PTPRJ: variants seen among roughly 807,000 people sequenced by gnomAD.
PTPRJ encodes protein tyrosine phosphatase receptor type J.
Under a neutral mutation model 141.3 loss-of-function variants are expected in PTPRJ, and 129 were observed. That is an observed-to-expected ratio of 0.91 (90% confidence interval 0.79 to 1.06). The LOEUF is 1.06. Ranked by LOEUF, PTPRJ falls within the 50% of genes least tolerant of loss-of-function variation. The pLI is 0.00. For synonymous variants in PTPRJ, 610 were observed against 640.5 expected (o/e 0.95, Z 0.72); for missense variants, 1,601 against 1,679.7 (o/e 0.95, Z 0.82).
chr11:48,124,990 C>T lies in PTPRJ; in HGVS notation c.897C>T (p.Ser299=). ...GGLDASNTER[S]RAGSPTAPVH... is the part of the protein sequence containing the mutation. ...CAGATGCCAGCAATACAGAGAGAAG[C>T]CGGGCAGGGAGCCCCACCGCCCCTG... The change falls in exon 6 of 25, where the codon AGC becomes AGT. Residue 299 remains serine (S), a synonymous_variant. Coordinates refer to ENST00000418331, the MANE Select transcript of PTPRJ (RefSeq NM_002843.4). 1 of 1,613,960 alleles carries T rather than the reference C, an allele frequency of 6.2e-7. No individual in the cohort carries two copies. Among genetic ancestry groups the T allele is most frequent in the South Asian group, 1.1e-5 (1 of 91,066 alleles).
chr11:48,115,484 G>T (rs1037563543), intron 3 of PTPRJ, among the ~76,000 whole-genome samples: 2 of 151,460 alleles, frequency 1.3e-5, no homozygotes, highest in Non-Finnish European at 3.0e-5. Flanking sequence ...CAAGATAAAA[G>T]ACTTTACCAG....
rs539550596 is a variant in PTPRJ, at chr11:48,146,319, A to G, written c.2912-557A>G. Among the ~76,000 whole-genome samples, 8 of 152,306 alleles carry G rather than the reference A, an allele frequency of 5.3e-5. No individual in the cohort carries two copies. In the South Asian group the frequency reaches 1.7e-3, roughly 32 times the overall value. Reference sequence around the variant, plus strand: ...GGGATCCAAGAGGGGTGCATCCCCTACCTTCAAGCCAGAGGCTAATGGACT... The same window carrying G: ...GGGATCCAAGAGGGGTGCATCCCCTGCCTTCAAGCCAGAGGCTAATGGACT... On this transcript the variant is annotated intron_variant, in intron 14 of 24. Transcript: ENST00000418331.
At chr11:48,076,834 T>A (rs1015762035) in intron 1 of PTPRJ, among the ~76,000 whole-genome samples, 2 of 151,958 alleles carry the variant, frequency 1.3e-5, no homozygotes, top group Non-Finnish European at 2.9e-5. Context: ...ATTTTACAAT[T>A]GGTAGAAAAG....
intron 1 of PTPRJ, among the ~76,000 whole-genome samples, chr11:47,994,827 T>C (rs1181363932): frequency 6.6e-6 from 1 of 152,180 alleles, no homozygotes; most frequent in Non-Finnish European, 1.5e-5. Context: ...ACCACAAACA[T>C]GGACATATTA....
Position 48,094,779 on chromosome 11 carries a change from C to T in PTPRJ, c.97-15279C>T, listed in dbSNP as rs1396667406. ...TCTGGGTAACAGAGAGGCTCTCAAA[C>T]GTTAGATTTTGGATTAGACTTTGGG... On this transcript the variant is annotated intron_variant, in intron 1 of 24. Transcript: ENST00000418331. 2.6e-5 allele frequency among the ~76,000 whole-genome samples: 4 copies of T among 152,076 alleles called. No homozygotes were observed. The East Asian group carries it at 5.8e-4, about 22-fold the overall frequency.
intron 24 of PTPRJ, among the ~76,000 whole-genome samples, chr11:48,165,720 A>G (rs961404347): frequency 6.6e-6 from 1 of 152,216 alleles, no homozygotes; most frequent in Non-Finnish European, 1.5e-5. Context: ...TGCTATAATT[A>G]TATAAAGTAG....
At chr11:48,047,845 G>A (rs554341540) in intron 1 of PTPRJ, among the ~76,000 whole-genome samples, 67 of 152,284 alleles carry the variant, frequency 4.4e-4, no homozygotes, top group African/African-American at 1.5e-3. Context: ...TGGGGCTGAC[G>A]TGGCCTGGGG....
Position 48,066,623 on chromosome 11 carries a change from TC to T in PTPRJ, c.97-43434del, listed in dbSNP as rs762062119. Among the ~76,000 whole-genome samples the T allele has an allele frequency of 1.1e-4, 16 of 151,390 alleles. No individual in the cohort carries two copies. In the East Asian group the frequency reaches 1.2e-3, roughly 11 times the overall value. Reference sequence around the variant, plus strand: ...ATTATTGAGACTGAGTCTCGCTGTGTCGCCCAGGCTGGAGTGCGGTGGTGCC... The same window carrying T: ...ATTATTGAGACTGAGTCTCGCTGTGTGCCCAGGCTGGAGTGCGGTGGTGCC... On this transcript the variant is annotated intron_variant, in intron 1 of 24. Transcript: ENST00000418331.
At chr11:47,993,151 T>G (rs1187463070) in intron 1 of PTPRJ, among the ~76,000 whole-genome samples, 1 of 152,144 alleles carries the variant, frequency 6.6e-6, no homozygotes, top group African/African-American at 2.4e-5. Flanking sequence ...ACTGAAAGCT[T>G]TGGAGGCCTG....
chr11:48,121,763 A>G (rs1422427859), intron 4 of PTPRJ, among the ~76,000 whole-genome samples: 1 of 152,260 alleles, frequency 6.6e-6, no homozygotes, highest in Non-Finnish European at 1.5e-5. Context: ...CTTAGATGTC[A>G]ATACCGAAGC....
chr11:48,142,782 A>G (rs747113187), intron 11 of PTPRJ, 137 bp from the exon 12 acceptor site: 100 of 1,086,700 alleles, frequency 9.2e-5, no homozygotes, highest in Non-Finnish European at 1.2e-4. Flanking sequence ...TTGCTTCTGG[A>G]TTTGCTGTTT....
intron 1 of PTPRJ, among the ~76,000 whole-genome samples, chr11:48,054,972 T>C (rs933930559): frequency 2.6e-5 from 4 of 151,684 alleles, no homozygotes; most frequent in African/African-American, 9.7e-5. Flanking sequence ...ATTGCTTGAG[T>C]CTAGGAGTTC....
chr11:47,994,242 A>T (rs1248849455), intron 1 of PTPRJ, among the ~76,000 whole-genome samples: 2 of 151,950 alleles, frequency 1.3e-5, no homozygotes, highest in African/African-American at 4.8e-5. Context: ...CATCCAGGTT[A>T]ACTCCTGGTA....
chr11:48,137,256 A>G lies in PTPRJ; in HGVS notation c.2127A>G (p.Glu709=). 1 of 1,614,086 alleles carries G rather than the reference A, an allele frequency of 6.2e-7. No homozygotes were observed. The highest frequency in any genetic ancestry group is 8.5e-7 in the Non-Finnish European group (1 of 1,179,990). ...TAGGGGATGGGATCAAGTCACTGGA[A>G]CCTGGCCGGAAGTCATTCTGTACAG... is the stretch of plus-strand genomic sequence containing the variant. ...AQVGDGIKSL[E]PGRKSFCTDP... Residue 709 remains glutamate (E), a synonymous_variant, in exon 10 of 25, where the codon GAA becomes GAG. Transcript: ENST00000418331.
At chr11:48,062,051 T>A (rs1393343832) in intron 1 of PTPRJ, among the ~76,000 whole-genome samples, 1 of 150,966 alleles carries the variant, frequency 6.6e-6, no homozygotes, top group East Asian at 2.0e-4. Context: ...ACTACAGACA[T>A]ACACCACCAT....
intron 3 of PTPRJ, among the ~76,000 whole-genome samples, chr11:48,113,691 C>T (rs1856494902): frequency 6.6e-6 from 1 of 152,202 alleles, no homozygotes; most frequent in African/African-American, 2.4e-5. Flanking sequence ...ATACTACTAA[C>T]ATGTTATTTG....
At chr11:48,130,782 CATA>C in intron 8 of PTPRJ, 66 bp downstream of exon 8, 1 of 1,405,834 alleles carries the variant, frequency 7.1e-7, no homozygotes, top group Non-Finnish European at 9.4e-7. Flanking sequence ...AATTAATAAA[CATA>C]ATGTTTCCAA....
intron 1 of PTPRJ, among the ~76,000 whole-genome samples, chr11:48,053,232 TA>T (rs1201155595): frequency 1.1e-5 from 1 of 89,364 alleles, no homozygotes; most frequent in African/African-American, 4.8e-5. Flanking sequence ...AAATATATTA[TA>T]TATAATATAT....
intron 6 of PTPRJ, 78 bp downstream of exon 6, chr11:48,125,264 G>A (rs910541193): frequency 1.7e-5 from 25 of 1,494,202 alleles, no homozygotes; most frequent in Non-Finnish European, 2.1e-5. Flanking sequence ...CTGATTCTGA[G>A]TGATTTCTTG....
Sources: allele counts gnomAD v4.1 joint callset (sites outside exome capture counted in the v4.1 genomes callset), GRCh38; gene constraint gnomAD v4.1.1; transcripts MANE v1.5; gene names NCBI Gene and HGNC (gene_info 2026-07-23, HGNC 2026-07-21).